Variants in RABGAP1 observed in about 807,000 individuals in gnomAD.
RABGAP1 encodes the protein RAB GTPase activating protein 1.
Under a neutral mutation model 137.6 loss-of-function variants are expected in RABGAP1, and 23 were observed. That is an observed-to-expected ratio of 0.17 (90% confidence interval 0.12 to 0.24). The LOEUF (loss-of-function observed/expected upper bound fraction) is 0.24, where lower values mean the gene tolerates loss of function less well. RABGAP1 is among the 10% of genes least tolerant of loss of function. RABGAP1 has a pLI of 1.00. For synonymous variants in RABGAP1, 451 were observed against 450.7 expected, an observed-to-expected ratio of 1.00 and a Z score of -0.01; for missense variants, 906 against 1,275.8, an observed-to-expected ratio of 0.71 and a Z score of 4.42.
At chr9:122,952,902 TAATC>T (rs1476398208) in intron 1 of RABGAP1, among the ~76,000 whole-genome samples, 1 of 152,252 alleles carries the variant, frequency 6.6e-6, no homozygotes, top group Non-Finnish European at 1.5e-5. Flanking sequence ...AAATGGATAA[TAATC>T]CTTATTCTAT....
Position 123,103,582 on chromosome 9 carries a change from AATATACATATATATATATATATATATAT to A in RABGAP1, c.*375_*402del, listed in dbSNP as rs1233197007. ...TTTTTTTTCTAAACCTTTTTTTTTT[AATATACATATATATATATATATATATAT>A]ATATATATATATATATATATATATA... On this transcript the variant is annotated 3_prime_UTR_variant, in exon 26 of 26. Transcript: ENST00000373647. 1 of 38,090 alleles carries A rather than the reference AATATACATATATATATATATATATATAT, an allele frequency of 2.6e-5. No homozygotes were observed. The highest frequency in any genetic ancestry group is 8.1e-5 in the African/African-American group (1 of 12,290). The allele number at this position is 38,090 out of a possible 1,614,324, so 2.4% of individuals were successfully genotyped here.
chr9:123,035,158 ATGT>A, intron 13 of RABGAP1: 1 of 1,613,890 alleles, frequency 6.2e-7, no homozygotes. Flanking sequence ...CATCGTGATG[ATGT>A]TATATGCCCC....
At chr9:122,976,458 A>T (rs1330300679) in intron 2 of RABGAP1, among the ~76,000 whole-genome samples, 1 of 152,184 alleles carries the variant, frequency 6.6e-6, no homozygotes, top group Non-Finnish European at 1.5e-5. Context: ...GCCCTTAATG[A>T]CACTTGCTCA....
At chr9:123,010,290 C>T (rs1441787780) in intron 10 of RABGAP1, 64 bp from the exon 11 acceptor site, 2 of 1,393,284 alleles carry the variant, frequency 1.4e-6, no homozygotes, top group Non-Finnish European at 2.0e-6. Flanking sequence ...ATTAAAAACA[C>T]TGCAATTAAT....
At chr9:122,973,736 G>A (rs761417456) in intron 2 of RABGAP1, among the ~76,000 whole-genome samples, 187 of 152,114 alleles carry the variant, frequency 1.2e-3, no homozygotes, top group Non-Finnish European at 1.9e-3. Context: ...TCTGCTGGAC[G>A]TGGTGGCTCA....
intron 1 of RABGAP1, among the ~76,000 whole-genome samples, chr9:122,943,258 G>A (rs903220022): frequency 6.6e-6 from 1 of 151,732 alleles, no homozygotes; most frequent in Non-Finnish European, 1.5e-5. Flanking sequence ...TACTAGAGAC[G>A]GGGTTTCATC....
chr9:122,991,681 C>A (rs1278878162), intron 6 of RABGAP1, among the ~76,000 whole-genome samples: 8 of 151,480 alleles, frequency 5.3e-5, no homozygotes, highest in Non-Finnish European at 8.8e-5. Context: ...TGACTCACTG[C>A]AGCCTCAGCC....
rs76670825 is a variant in RABGAP1, at chr9:122,942,396, G to A, written c.-50+1303G>A. ...TTACTTATGAAAACTGAAAATAGGG[G>A]CCGGGTGCGTTCACGCCTGTGATCC... On this transcript the variant is annotated intron_variant, in intron 1 of 25. Coordinates refer to ENST00000373647, the MANE Select transcript of RABGAP1 (RefSeq NM_012197.4). Among the ~76,000 whole-genome samples the A allele has an allele frequency of 8.5e-3, 1,296 of 152,232 alleles. 14 individuals are homozygous for A. Among genetic ancestry groups the A allele is most frequent in the Non-Finnish European group, 0.013 (915 of 68,016 alleles).
At chr9:123,056,638 T>G (rs10118446) in intron 13 of RABGAP1, among the ~76,000 whole-genome samples, 1 of 151,082 alleles carries the variant, frequency 6.6e-6, no homozygotes, top group Non-Finnish European at 1.5e-5. Flanking sequence ...CCTTCCGCAG[T>G]GTTTGTGTCC....
chr9:122,973,008 C>T (rs1835551042), intron 2 of RABGAP1, among the ~76,000 whole-genome samples: 1 of 143,540 alleles, frequency 7.0e-6, no homozygotes, highest in Non-Finnish European at 1.5e-5. Flanking sequence ...AGGTATATTT[C>T]TTTTTTTTTT....
intron 13 of RABGAP1, among the ~76,000 whole-genome samples, chr9:123,059,346 A>G (rs567492982): frequency 6.6e-6 from 1 of 152,232 alleles, no homozygotes; most frequent in Middle Eastern, 3.4e-3. Flanking sequence ...CGAGGTCAGG[A>G]GATCGAGACC....
chr9:123,068,514 A>G (rs539474288), intron 14 of RABGAP1, among the ~76,000 whole-genome samples: 1 of 152,182 alleles, frequency 6.6e-6, no homozygotes, highest in Non-Finnish European at 1.5e-5. Flanking sequence ...GTGTTAGCAT[A>G]TATTACTACT....
intron 6 of RABGAP1, among the ~76,000 whole-genome samples, chr9:122,995,376 A>G (rs1836961674): frequency 6.6e-6 from 1 of 152,170 alleles, no homozygotes. Context: ...GGTGATAATA[A>G]TCTATCTGTA....
At position 123,090,368 on chromosome 9, in the gene RABGAP1, C is replaced by T. The variant is rs2034998314; in HGVS notation, c.2611C>T (p.Arg871Trp). Residue 871 changes from arginine (R) to tryptophan (W), a missense_variant, in exon 21 of 26, where the codon CGG (arginine) becomes TGG (tryptophan). By Grantham distance (101) the Arg-to-Trp change is moderately radical (BLOSUM62 -3). This residue lies in a region of RABGAP1 where 193 missense variants were observed against 248.1 expected (regional missense o/e 0.78). Coordinates refer to ENST00000373647, the MANE Select transcript of RABGAP1 (RefSeq NM_012197.4). ...GCTGGTGACCAGCAAGATTGCACTA[C>T]GGAAGGACCTGGATAACGTAAGTCC... ...HELVTSKIAL[R>W]KDLDNAEEKA... 5 of 1,611,680 alleles carry T rather than the reference C, an allele frequency of 3.1e-6. No homozygotes were observed. The highest frequency in any genetic ancestry group is 4.2e-6 in the Non-Finnish European group (5 of 1,178,582).
Position 123,097,735 on chromosome 9 carries a change from T to C in RABGAP1, c.2629-6T>C. On this transcript the variant is annotated splice_polypyrimidine_tract_variant and splice_region_variant and intron_variant, in intron 21 of 25. Coordinates refer to ENST00000373647, the MANE Select transcript of RABGAP1 (RefSeq NM_012197.4). ...GTTTTGTGACAGCATATCTTAAATG[T>C]TTCAGGCTGAGGAAAAGGCAGATGC... 1 of 1,606,434 alleles carries C rather than the reference T, an allele frequency of 6.2e-7. No individual in the cohort carries two copies. The highest frequency in any genetic ancestry group is 1.3e-5 in the African/African-American group (1 of 74,252).
At chr9:123,060,896 C>T (rs1238663409) in intron 13 of RABGAP1, among the ~76,000 whole-genome samples, 1 of 152,168 alleles carries the variant, frequency 6.6e-6, no homozygotes, top group Non-Finnish European at 1.5e-5. Flanking sequence ...AAGAGATATA[C>T]ATTTCAAGTT....
At chr9:122,941,785 C>G (rs183663641) in intron 1 of RABGAP1, among the ~76,000 whole-genome samples, 1 of 152,384 alleles carries the variant, frequency 6.6e-6, no homozygotes, top group East Asian at 1.9e-4. Flanking sequence ...TCCAGGAGTT[C>G]GCTGTCCATT....
At chr9:123,079,136 A>G (rs1006039498) in intron 19 of RABGAP1, among the ~76,000 whole-genome samples, 4 of 151,504 alleles carry the variant, frequency 2.6e-5, no homozygotes, top group African/African-American at 9.7e-5. Flanking sequence ...AATTTGCCTC[A>G]CTGTGCTACA....
intron 1 of RABGAP1, among the ~76,000 whole-genome samples, chr9:122,947,012 T>G (rs1377533228): frequency 6.6e-6 from 1 of 152,140 alleles, no homozygotes; most frequent in Admixed American, 6.5e-5. Context: ...ACTCCATTTT[T>G]AAACATGGAG....
Sources: gnomAD v4.1 joint callset for allele counts (sites outside exome capture counted in the v4.1 genomes callset) on GRCh38, gnomAD v4.1.1 for gene constraint, gnomAD v4.1.1 regional missense constraint, MANE v1.5 for transcripts, NCBI Gene and HGNC (gene_info 2026-07-23, HGNC 2026-07-21) for gene names.